INSR: variants seen among roughly 807,000 people sequenced by gnomAD.
The protein encoded by INSR is IR.
In INSR, 67 loss-of-function variants were observed where a neutral mutation model predicts 142.6. That is an observed-to-expected ratio of 0.47 (90% confidence interval 0.39 to 0.58). INSR has a LOEUF of 0.58. Among genes scored for constraint, INSR ranks in the 20% least tolerant of loss-of-function variants. The probability of loss-of-function intolerance (pLI) is 0.00; values close to 1 mark genes in which losing one functional copy is unlikely to be tolerated. For missense variants in INSR, 1,248 were observed against 1,833.2 expected (o/e 0.68, Z 5.83); for synonymous variants, 756 against 743.1 (o/e 1.02, Z -0.28).
chr19:7,234,225 G>A (rs1976087312), intron 2 of INSR, among the ~76,000 whole-genome samples: 1 of 151,682 alleles, frequency 6.6e-6, no homozygotes, highest in South Asian at 2.1e-4. Context: ...ATTTTAAATG[G>A]AAATGGGGTC....
intron 2 of INSR, among the ~76,000 whole-genome samples, chr19:7,221,179 A>T (rs184241239): frequency 1.4e-5 from 2 of 145,946 alleles, no homozygotes; most frequent in Admixed American, 1.4e-4. Flanking sequence ...TTTGAGACTA[A>T]CCTGGCCAAC....
At chr19:7,250,871 G>A (rs1366353778) in intron 2 of INSR, among the ~76,000 whole-genome samples, 1 of 151,978 alleles carries the variant, frequency 6.6e-6, no homozygotes, top group Admixed American at 6.6e-5. Context: ...GGAGCTCAGA[G>A]GGGCAAGCAG....
chr19:7,180,165 G>T (rs1024496199), intron 3 of INSR, among the ~76,000 whole-genome samples: 1 of 152,180 alleles, frequency 6.6e-6, no homozygotes. Flanking sequence ...CACTGAGGTG[G>T]TTTTGTTACG....
chr19:7,193,907 G>A (rs1205385223), intron 2 of INSR, among the ~76,000 whole-genome samples: 1 of 151,980 alleles, frequency 6.6e-6, no homozygotes, highest in Non-Finnish European at 1.5e-5. Context: ...TCACAATATT[G>A]CCCAGGCTGG....
chr19:7,264,169 CAA>C (rs367805026), intron 2 of INSR, among the ~76,000 whole-genome samples: 59,013 of 117,154 alleles, frequency 0.5, 12,723 homozygotes, highest in African/African-American at 0.6. Context: ...AACTCCATCT[CAA>C]AAAAAAAAAA....
intron 2 of INSR, among the ~76,000 whole-genome samples, chr19:7,197,954 T>C (rs1174394979): frequency 1.7e-5 from 2 of 116,066 alleles, no homozygotes; most frequent in Non-Finnish European, 3.4e-5. Flanking sequence ...TGTGTCCCCA[T>C]GGTGGGAGTG....
rs193031774 is a variant in INSR, at chr19:7,252,045, G to T, written c.652+15300C>A. 1.9e-3 allele frequency among the ~76,000 whole-genome samples: 293 copies of T among 152,242 alleles called. 3 individuals are homozygous for T. The highest frequency in any genetic ancestry group is 6.7e-3 in the African/African-American group (280 of 41,508). On this transcript the variant is annotated intron_variant, in intron 2 of 21. Coordinates refer to ENST00000302850, the MANE Select transcript of INSR (RefSeq NM_000208.4). The stretch of plus-strand genomic sequence containing the variant: ...TTGTAGCACTTTGGGTGGCTGAGGT[G>T]GGTGGATCACCTGAGGTCCGGAGTT...
rs963910960 is a variant in INSR, at chr19:7,258,892, C to G, written c.652+8453G>C. 8.1e-5 allele frequency among the ~76,000 whole-genome samples: 12 copies of G among 148,370 alleles called. 2 individuals carry two copies. The highest frequency in any genetic ancestry group is 6.7e-4 in the Admixed American group (10 of 14,864). On this transcript the variant is annotated intron_variant, in intron 2 of 21. Transcript: ENST00000302850. ...TTGGCAGGGGCAAATTCTAGATTTC[C>G]TCTCCAGTTTCTTTTCCTTCTTTCC...
intron 1 of INSR, among the ~76,000 whole-genome samples, chr19:7,285,575 G>C (rs1968326428): frequency 6.6e-6 from 1 of 152,164 alleles, no homozygotes; most frequent in African/African-American, 2.4e-5. Flanking sequence ...GTTGGAGGCT[G>C]CAGGGAATTA....
At chr19:7,201,605 A>G (rs1480062935) in intron 2 of INSR, among the ~76,000 whole-genome samples, 1 of 151,180 alleles carries the variant, frequency 6.6e-6, no homozygotes, top group Non-Finnish European at 1.5e-5. Flanking sequence ...AGCCTGGGCG[A>G]CCAAGTGAGA....
chr19:7,240,442 C>T (rs756682325), intron 2 of INSR, among the ~76,000 whole-genome samples: 1 of 152,070 alleles, frequency 6.6e-6, no homozygotes, highest in Non-Finnish European at 1.5e-5. Flanking sequence ...ATTAGCCAGG[C>T]GTGGTGGTGC....
In INSR at chr19:7,205,787, G is replaced by C. The variant is rs1975091231; in HGVS notation, c.653-21150C>G. The stretch of plus-strand genomic sequence containing the variant: ...CACCTGTAGTCCCAGCTATTCGGGA[G>C]GCTGAGGTGGGAGGATCAATTAGCC... On this transcript the variant is annotated intron_variant, in intron 2 of 21. Transcript: ENST00000302850. 2.6e-5 allele frequency among the ~76,000 whole-genome samples: 4 copies of C among 152,168 alleles called. No homozygotes were observed. In the South Asian group the frequency reaches 6.2e-4, roughly 24 times the overall value.
chr19:7,210,530 C>A (rs73488786), intron 2 of INSR, among the ~76,000 whole-genome samples: 14,482 of 151,984 alleles, frequency 0.095, 2,071 homozygotes, highest in African/African-American at 0.32. Flanking sequence ...CGCTGTGCGA[C>A]TCCTGGAGGG....
chr19:7,161,477 C>T (rs920139438), intron 9 of INSR, among the ~76,000 whole-genome samples: 18 of 151,882 alleles, frequency 1.2e-4, no homozygotes, highest in East Asian at 1.9e-4. Flanking sequence ...CTCAAACTCC[C>T]GGCCTCCAGT....
chr19:7,234,724 C>T (rs1976103762), intron 2 of INSR, among the ~76,000 whole-genome samples: 1 of 152,086 alleles, frequency 6.6e-6, no homozygotes, highest in African/African-American at 2.4e-5. Context: ...TTTTCATATC[C>T]TCCCATCATG....
chr19:7,195,382 C>T (rs530775592), intron 2 of INSR, among the ~76,000 whole-genome samples: 3 of 152,140 alleles, frequency 2.0e-5, no homozygotes, highest in African/African-American at 4.8e-5. Context: ...GTGGCTAACA[C>T]GTGTAATCCC....
intron 5 of INSR, among the ~76,000 whole-genome samples, chr19:7,171,196 G>A (rs1364730115): frequency 2.7e-5 from 4 of 150,262 alleles, no homozygotes; most frequent in Non-Finnish European, 4.4e-5. Flanking sequence ...TCCTTAATAA[G>A]GAGAAAGGAG....
In INSR at chr19:7,168,166, A is replaced by G. The variant is rs1027002881; in HGVS notation, c.1484-72T>C. 2.6e-6 allele frequency: 4 copies of G among 1,519,286 alleles called. No individual in the cohort carries two copies. The highest frequency in any genetic ancestry group is 3.6e-6 in the Non-Finnish European group (4 of 1,098,278). 94.1% of individuals were successfully genotyped at this position (1,519,286 alleles called of 1,614,324 possible). A position where few individuals can be genotyped will look rare whatever the true frequency, so the allele number is the denominator to read the frequency against. ...TTTCAGACCAAAGCCTGGGACCCCC[A>G]CACTTCCTGGAGGGACCGTGAGAAG... On this transcript the variant is annotated intron_variant, in intron 6 of 21. Transcript: ENST00000302850. The surrounding 1 kb of genome is among the most constrained non-coding windows in gnomAD (Gnocchi z 4.3).
At position 7,269,029 on chromosome 19, in the gene INSR, C is replaced by CA. The variant is rs1320970753; in HGVS notation, c.101-1134_101-1133insT. 2.6e-3 allele frequency among the ~76,000 whole-genome samples: 299 copies of CA among 114,334 alleles called. 2 individuals carry two copies. The highest frequency in any genetic ancestry group is 0.021 in the East Asian group (73 of 3,552). 75.0% of individuals were successfully genotyped at this position (114,334 alleles called of 152,430 possible). A position where few individuals can be genotyped will look rare whatever the true frequency, so the allele number is the denominator to read the frequency against. On this transcript the variant is annotated intron_variant, in intron 1 of 21. Transcript: ENST00000302850. ...TAGATGGCTTCTCTCTGCCAACACA[C>CA]CCACACACCCACACACACACACACA...
Sources: gnomAD v4.1 joint callset for allele counts (sites outside exome capture counted in the v4.1 genomes callset) on GRCh38, gnomAD v4.1.1 for gene constraint, Gnocchi (gnomAD v3.1) non-coding constraint, MANE v1.5 for transcripts, NCBI Gene and HGNC (gene_info 2026-07-23, HGNC 2026-07-21) for gene names.